Variants in HTT observed in about 807,000 individuals in gnomAD.
HTT encodes the protein huntington disease protein.
Under a neutral mutation model 362.3 loss-of-function variants are expected in HTT, and 104 were observed. The ratio of observed to expected loss-of-function variants is 0.29; its 90% confidence interval spans 0.24 to 0.34. The LOEUF is 0.34. Among genes scored for constraint, HTT ranks in the 10% least tolerant of loss-of-function variants. HTT has a pLI of 1.00. For missense variants in HTT, 3,301 were observed against 3,928.6 expected (o/e 0.84, Z 4.27); for synonymous variants, 1,577 against 1,548.7 (o/e 1.02, Z -0.43).
In HTT at chr4:3,182,369, A is replaced by G. The variant is rs745531676; in HGVS notation, c.4765A>G (p.Ile1589Val). The change falls in exon 37 of 67, where the codon ATT (isoleucine) becomes GTT (valine). Residue 1589 changes from isoleucine to valine, a missense_variant. Physicochemically the swap from Ile to Val is conservative, Grantham distance 29 (BLOSUM62 3). Around this residue, in one of 4 missense-constraint regions of HTT, gnomAD observed 2,316 missense variants for 2,658.5 expected, o/e 0.87. Coordinates refer to ENST00000355072, the MANE Select transcript of HTT (RefSeq NM_001388492.1). Reference protein sequence around the residue: ...IQYHQVLEMFILVLQQCHKEN... With the variant: ...IQYHQVLEMFVLVLQQCHKEN... ...GCTCTTATAGGTGTTGGAGATGTTCATTCTTGTCCTGCAGCAGTGCCACAA... is the reference window on the plus strand; with the variant it reads ...GCTCTTATAGGTGTTGGAGATGTTCGTTCTTGTCCTGCAGCAGTGCCACAA... 5.5e-5 allele frequency: 88 copies of G among 1,613,148 alleles called. No individual in the cohort carries two copies. Among genetic ancestry groups the G allele is most frequent in the Non-Finnish European group, 7.1e-5 (84 of 1,179,190 alleles).
chr4:3,224,058 G>C lies in HTT; in HGVS notation c.7692G>C (p.Lys2564Asn). The C allele has an allele frequency of 1.2e-6, 2 of 1,613,934 alleles. No individual in the cohort carries two copies. The highest frequency in any genetic ancestry group is 2.7e-5 in the African/African-American group (2 of 75,038). ...AAGAGATTCAAGCAATGGTTTCAAA[G>C]AGAGAGAATATTGCCACCCATCATT... ...VEQEIQAMVS[K>N]RENIATHHLY... Residue 2564 changes from lysine (K) to asparagine (N), a missense_variant, in exon 56 of 67, where the codon AAG becomes AAC. By Grantham distance (94) the Lys-to-Asn change is moderately conservative. Around this residue, in one of 4 missense-constraint regions of HTT, gnomAD observed 753 missense variants for 1,021.3 expected, o/e 0.74. Transcript: ENST00000355072.
At chr4:3,105,648 C>T (rs569762739) in intron 5 of HTT, among the ~76,000 whole-genome samples, 6 of 152,324 alleles carry the variant, frequency 3.9e-5, no homozygotes, top group Admixed American at 6.5e-5. Flanking sequence ...CTATCCCACC[C>T]TTCCGCAAGA....
chr4:3,205,358 A>C (rs1719807695), intron 42 of HTT, among the ~76,000 whole-genome samples: 1 of 152,190 alleles, frequency 6.6e-6, no homozygotes, highest in Non-Finnish European at 1.5e-5. Context: ...GAATCAGAAA[A>C]GGAAGCCGAC....
At chr4:3,161,447 T>G (rs1440512372) in intron 29 of HTT, among the ~76,000 whole-genome samples, 1 of 152,200 alleles carries the variant, frequency 6.6e-6, no homozygotes, top group East Asian at 1.9e-4. Context: ...AGTAATGGGA[T>G]TGCTGGGTCA....
chr4:3,127,918 C>A (rs189083965), intron 12 of HTT, among the ~76,000 whole-genome samples: 46 of 151,688 alleles, frequency 3.0e-4, no homozygotes, highest in Admixed American at 2.6e-3. Context: ...GAGCCGAGAT[C>A]GTGACACTGC....
At chr4:3,202,629 C>A (rs1719636328) in intron 41 of HTT, among the ~76,000 whole-genome samples, 1 of 152,190 alleles carries the variant, frequency 6.6e-6, no homozygotes, top group African/African-American at 2.4e-5. Flanking sequence ...ACAGTTCCCT[C>A]TTCCTCTGCC....
In HTT at chr4:3,119,744, G is replaced by A. The variant is rs141338757; in HGVS notation, c.1069-1484G>A. Among the ~76,000 whole-genome samples the A allele has an allele frequency of 2.4e-3, 371 of 152,320 alleles. 4 individuals are homozygous for A. Among genetic ancestry groups the A allele is most frequent in the South Asian group, 3.7e-3 (18 of 4,824 alleles). On this transcript the variant is annotated intron_variant, in intron 8 of 66. Transcript: ENST00000355072. ...CAGAATTTAGGAGGGGGCAGATGAG[G>A]TGAAGGAAATGTGGGTGCTGATTTC...
chr4:3,157,535 C>T (rs1717210082), intron 28 of HTT, among the ~76,000 whole-genome samples: 1 of 152,196 alleles, frequency 6.6e-6, no homozygotes, highest in Non-Finnish European at 1.5e-5. Context: ...CACAAAAATA[C>T]AGCAACATGC....
intron 5 of HTT, among the ~76,000 whole-genome samples, chr4:3,107,037 T>C (rs1251204528): frequency 6.6e-6 from 1 of 152,278 alleles, no homozygotes; most frequent in Non-Finnish European, 1.5e-5. Context: ...AGAAGTATTA[T>C]GATTTACTGC....
intron 39 of HTT, chr4:3,188,495 C>T (rs1032075891): frequency 2.4e-5 from 4 of 165,096 alleles, no homozygotes; most frequent in African/African-American, 7.2e-5. Flanking sequence ...TGCTAAGTGG[C>T]TGTGACTTCA....
intron 29 of HTT, among the ~76,000 whole-genome samples, chr4:3,164,021 G>T (rs552688328): frequency 1.3e-5 from 2 of 152,000 alleles, no homozygotes; most frequent in Non-Finnish European, 2.9e-5. Flanking sequence ...TGATGTTAGG[G>T]TGTTAATTTT....
chr4:3,187,923 CT>C (rs754295435), intron 39 of HTT, 37 bp downstream of exon 39: 1 of 1,302,886 alleles, frequency 7.7e-7, no homozygotes, highest in East Asian at 2.3e-5. Flanking sequence ...TAACCCATGC[CT>C]TTTGGGAAGT....
At position 3,235,670 on chromosome 4, in the gene HTT, C is replaced by A. The variant is rs1295208182; in HGVS notation, c.8677C>A (p.Arg2893Ser). ...CCTCCTGCTCTCTGAGCAGCTCTCC[C>A]GCCTGGATGCAGAATCGCTGGTCAA... Reference protein sequence around the residue: ...ERLLLSEQLSRLDAESLVKLS... With the variant: ...ERLLLSEQLSSLDAESLVKLS... Residue 2893 changes from arginine to serine, a missense_variant, in exon 63 of 67, where the codon CGC becomes AGC. This residue lies in a region of HTT where 753 missense variants were observed against 1,021.3 expected (regional missense o/e 0.74). Transcript: ENST00000355072. 4.3e-6 allele frequency: 7 copies of A among 1,613,710 alleles called. No homozygotes were observed. Among genetic ancestry groups the A allele is most frequent in the Non-Finnish European group, 5.1e-6 (6 of 1,180,014 alleles).
chr4:3,211,936 A>G lies in HTT; in HGVS notation c.6422A>G (p.Asn2141Ser), dbSNP rs2110275879. The G allele has an allele frequency of 3.1e-6, 5 of 1,613,532 alleles. No homozygotes were observed. The South Asian group carries it at 5.5e-5, about 18-fold the overall frequency. ...MNAFMMNSEF[N>S]LSLLAPCLSL... ...TTAATGCTCTGATTTCAGGAGTTCAACCTAAGCCTGCTAGCTCCATGCTTA... is the reference window on the plus strand; with the variant it reads ...TTAATGCTCTGATTTCAGGAGTTCAGCCTAAGCCTGCTAGCTCCATGCTTA... The change falls in exon 48 of 67, where the codon AAC becomes AGC. Residue 2141 changes from asparagine to serine, a missense_variant. By Grantham distance (46) the Asn-to-Ser change is conservative. Transcript: ENST00000355072.
At chr4:3,093,008 G>A (rs544517189) in intron 2 of HTT, among the ~76,000 whole-genome samples, 39 of 152,330 alleles carry the variant, frequency 2.6e-4, no homozygotes, top group African/African-American at 8.7e-4. Context: ...TGAGGAGGCA[G>A]AGCTGGGAGT....
chr4:3,131,592 A>T (rs754521072), intron 15 of HTT, 46 bp from the exon 16 acceptor site: 9 of 1,605,162 alleles, frequency 5.6e-6, no homozygotes, highest in Non-Finnish European at 7.7e-6. Context: ...ATTTGAAAAC[A>T]ATCTGTTGTT....
At chr4:3,159,028 C>T (rs1039044444) in intron 28 of HTT, among the ~76,000 whole-genome samples, 6 of 152,218 alleles carry the variant, frequency 3.9e-5, no homozygotes, top group Non-Finnish European at 5.9e-5. Flanking sequence ...GCTCCTGCTG[C>T]GCAGCTTCTC....
chr4:3,158,022 T>C (rs1717243636), intron 28 of HTT, among the ~76,000 whole-genome samples: 1 of 151,340 alleles, frequency 6.6e-6, no homozygotes. Flanking sequence ...AGACAGAGTC[T>C]TGCTCTGTCC....
In HTT at chr4:3,199,918, C is replaced by G; in HGVS notation, c.5555C>G (p.Ala1852Gly). The G allele has an allele frequency of 5.0e-6, 8 of 1,613,920 alleles. No individual in the cohort carries two copies. The highest frequency in any genetic ancestry group is 6.8e-6 in the Non-Finnish European group (8 of 1,179,892). ...LVNHTDYRWW[A>G]EVQQTPKRHS... Reference sequence around the variant, plus strand: ...AACCACACCGACTACCGCTGGTGGGCAGAAGTGCAGCAGACCCCGAAGTAG... The same window carrying G: ...AACCACACCGACTACCGCTGGTGGGGAGAAGTGCAGCAGACCCCGAAGTAG... Residue 1852 changes from alanine to glycine, a missense_variant, in exon 41 of 67, where the codon GCA (alanine) becomes GGA (glycine). Ala to Gly is a moderately conservative substitution (Grantham distance 60, BLOSUM62 0). Around this residue, in one of 4 missense-constraint regions of HTT, gnomAD observed 2,316 missense variants for 2,658.5 expected, o/e 0.87. Transcript: ENST00000355072.
Sources: allele counts gnomAD v4.1 joint callset (sites outside exome capture counted in the v4.1 genomes callset), GRCh38; gene constraint gnomAD v4.1.1; regional missense constraint gnomAD v4.1.1; transcripts MANE v1.5; gene names NCBI Gene and HGNC (gene_info 2026-07-23, HGNC 2026-07-21).